Variants in OSBPL8 observed in about 807,000 individuals in gnomAD.
OSBPL8 encodes oxysterol binding protein like 8.
A neutral mutation model predicts 125.5 loss-of-function variants in OSBPL8; 59 were observed. The ratio of observed to expected loss-of-function variants is 0.47; its 90% confidence interval spans 0.38 to 0.58. The LOEUF (loss-of-function observed/expected upper bound fraction) is 0.58. OSBPL8 is among the 20% of genes least tolerant of loss of function. The pLI, the probability that OSBPL8 is intolerant of heterozygous loss-of-function variation, is 0.00. For synonymous variants in OSBPL8, 330 were observed against 338.9 expected (o/e 0.97, Z 0.29); for missense variants, 758 against 1,047.8 (o/e 0.72, Z 3.82).
chr12:76,529,325 C>T (rs1333691708), intron 1 of OSBPL8, among the ~76,000 whole-genome samples: 1 of 152,032 alleles, frequency 6.6e-6, no homozygotes, highest in Non-Finnish European at 1.5e-5. Context: ...TTCTTGGGCA[C>T]TTGTTACTAT....
At chr12:76,466,147 G>C (rs1875404640) in intron 2 of OSBPL8, among the ~76,000 whole-genome samples, 1 of 151,952 alleles carries the variant, frequency 6.6e-6, no homozygotes, top group South Asian at 2.1e-4. Context: ...TACGAAAGAT[G>C]CCACCAAAAT....
rs528879644 is a variant in OSBPL8 at position 76,553,286 on chromosome 12, T to C, written c.-68+6111A>G. 4.6e-5 allele frequency among the ~76,000 whole-genome samples: 7 copies of C among 152,224 alleles called. No homozygotes were observed. The South Asian group carries it at 1.5e-3, about 32-fold the overall frequency. ...ACTATTCCTGCTAATATGTAGGCAT[T>C]TGGCAGCCAAAAAGCAAAAATTACC... is the stretch of plus-strand genomic sequence containing the variant. On this transcript the variant is annotated intron_variant, in intron 1 of 23. Coordinates refer to ENST00000261183, the MANE Select transcript of OSBPL8 (RefSeq NM_020841.5).
At chr12:76,366,647 ATC>A in intron 21 of OSBPL8, 1 of 420,448 alleles carries the variant, frequency 2.4e-6, no homozygotes, top group Non-Finnish European at 4.6e-6. Flanking sequence ...TTGATTTGAG[ATC>A]TCTCTTAATG....
chr12:76,453,647 A>G (rs1263360027), intron 3 of OSBPL8, among the ~76,000 whole-genome samples: 1 of 152,194 alleles, frequency 6.6e-6, no homozygotes, highest in Non-Finnish European at 1.5e-5. Flanking sequence ...GAATATCTTC[A>G]TAAACTTGGG....
intron 2 of OSBPL8, among the ~76,000 whole-genome samples, chr12:76,466,000 T>C (rs1015674216): frequency 5.9e-5 from 9 of 151,288 alleles, no homozygotes; most frequent in African/African-American, 2.2e-4. Flanking sequence ...AGACTCTGTC[T>C]CAAAAAAGAA....
At chr12:76,474,465 T>C (rs1323525629) in intron 2 of OSBPL8, among the ~76,000 whole-genome samples, 2 of 152,140 alleles carry the variant, frequency 1.3e-5, no homozygotes, top group Non-Finnish European at 2.9e-5. Context: ...ATTTTGTGTG[T>C]ATATGTATAA....
chr12:76,455,372 G>C (rs934509118), intron 3 of OSBPL8, among the ~76,000 whole-genome samples: 5 of 152,056 alleles, frequency 3.3e-5, no homozygotes, highest in Non-Finnish European at 7.4e-5. Context: ...TCTTTTGTAT[G>C]TATCAGACAG....
At chr12:76,378,631 A>G (rs1952919041) in intron 15 of OSBPL8, 81 bp from the exon 16 acceptor site, 1 of 933,242 alleles carries the variant, frequency 1.1e-6, no homozygotes, top group Non-Finnish European at 1.7e-6. Flanking sequence ...TAGAACACCT[A>G]CCAGACATCT....
rs529023843 is a variant in OSBPL8 at position 76,399,829 on chromosome 12, GT to G, written c.468+43del. 1.1e-4 allele frequency: 160 copies of G among 1,488,844 alleles called. No individual in the cohort carries two copies. In the East Asian group the frequency reaches 3.2e-3, roughly 30 times the overall value. The allele number at this position is 1,488,844 out of a possible 1,614,324, so 92.2% of individuals were successfully genotyped here. A position where few individuals can be genotyped will look rare whatever the true frequency, so the allele number is the denominator to read the frequency against. On this transcript the variant is annotated intron_variant, in intron 7 of 23. Coordinates refer to ENST00000261183, the MANE Select transcript of OSBPL8 (RefSeq NM_020841.5). ...ACTCCAGGCTTTTCCATTCCAGTAGGTAAACATCCAGCAATCTGAATTCATG... is the reference window on the plus strand; with the variant it reads ...ACTCCAGGCTTTTCCATTCCAGTAGGAAACATCCAGCAATCTGAATTCATG...
intron 2 of OSBPL8, among the ~76,000 whole-genome samples, chr12:76,467,503 G>A (rs1244205735): frequency 6.6e-6 from 1 of 152,162 alleles, no homozygotes; most frequent in Non-Finnish European, 1.5e-5. Context: ...ATAGTAATCA[G>A]CTTTCTCTCA....
intron 4 of OSBPL8, among the ~76,000 whole-genome samples, chr12:76,426,902 GC>G (rs1870215736): frequency 6.6e-6 from 1 of 151,952 alleles, no homozygotes; most frequent in South Asian, 2.1e-4. Flanking sequence ...TTCCCTGTTA[GC>G]CACCTGTTAC....
chr12:76,378,507 A>T lies in OSBPL8; in HGVS notation c.1674T>A (p.Thr558=), dbSNP rs1173696152. ...CATAATCTTCACCTCTATTCAAGAA[A>T]GTTAACCGTGCTTCTCCCTCTAATA... The part of the protein sequence containing the change: ...SAILEGEARL[T]FLNRGEDYVM... The change falls in exon 16 of 24, where the codon ACT becomes ACA. Residue 558 remains threonine, a synonymous_variant. Coordinates refer to ENST00000261183, the MANE Select transcript of OSBPL8 (RefSeq NM_020841.5). 1.2e-6 allele frequency: 2 copies of T among 1,606,628 alleles called. No individual in the cohort carries two copies. Among genetic ancestry groups the T allele is most frequent in the South Asian group, 2.2e-5 (2 of 90,596 alleles).
At chr12:76,418,830 C>T (rs1322808887) in intron 4 of OSBPL8, among the ~76,000 whole-genome samples, 6 of 151,946 alleles carry the variant, frequency 3.9e-5, no homozygotes, top group African/African-American at 1.5e-4. Context: ...GAGACTCCAT[C>T]TCAAAACAAA....
intron 4 of OSBPL8, among the ~76,000 whole-genome samples, chr12:76,429,526 G>C (rs1379803551): frequency 1.3e-5 from 2 of 151,906 alleles, no homozygotes; most frequent in African/African-American, 2.4e-5. Flanking sequence ...TTTGTGAATA[G>C]ACTATTCACA....
intron 4 of OSBPL8, among the ~76,000 whole-genome samples, chr12:76,441,014 T>C (rs1760288685): frequency 6.6e-6 from 1 of 152,218 alleles, no homozygotes; most frequent in African/African-American, 2.4e-5. Context: ...AACATCTACT[T>C]TGCTACGTTA....
rs138894376 is a variant in OSBPL8, at chr12:76,547,301, C to G, written c.-68+12096G>C. 3.4e-3 allele frequency among the ~76,000 whole-genome samples: 512 copies of G among 151,892 alleles called. 3 individuals are homozygous for G. Among genetic ancestry groups the G allele is most frequent in the African/African-American group, 0.012 (495 of 41,400 alleles). On this transcript the variant is annotated intron_variant, in intron 1 of 23. Transcript: ENST00000261183. The stretch of plus-strand genomic sequence containing the variant: ...GATGAATGTATTTAAATTTATTTAC[C>G]CAGGTTAATTTACAATAGTATTCTA...
intron 15 of OSBPL8, among the ~76,000 whole-genome samples, chr12:76,380,457 T>C (rs1952993809): frequency 1.4e-5 from 2 of 138,926 alleles, no homozygotes; most frequent in South Asian, 4.8e-4. Context: ...TCCCAGCTAC[T>C]CAGGAGGCTG....
intron 3 of OSBPL8, among the ~76,000 whole-genome samples, chr12:76,452,359 T>A (rs1873522286): frequency 6.6e-6 from 1 of 152,154 alleles, no homozygotes; most frequent in African/African-American, 2.4e-5. Flanking sequence ...TAAAAAAATG[T>A]ATAGACTGAT....
chr12:76,363,791 G>A (rs1952299136), intron 21 of OSBPL8, among the ~76,000 whole-genome samples: 1 of 151,984 alleles, frequency 6.6e-6, no homozygotes, highest in African/African-American at 2.4e-5. Context: ...GAATCTACAA[G>A]GAACTTAAAC....
Sources: gnomAD v4.1 joint callset for allele counts (sites outside exome capture counted in the v4.1 genomes callset) on GRCh38, gnomAD v4.1.1 for gene constraint, MANE v1.5 for transcripts, NCBI Gene and HGNC (gene_info 2026-07-23, HGNC 2026-07-21) for gene names.